The following SLX4IP variants were observed in gnomAD, a reference collection of about 807,000 sequenced individuals.
The protein encoded by SLX4IP is SLX4 interacting protein, also known as protein SLX4IP.
Under a neutral mutation model 32.9 loss-of-function variants are expected in SLX4IP, and 34 were observed. That is an observed-to-expected ratio of 1.03 (90% CI 0.79 to 1.38). The LOEUF (loss-of-function observed/expected upper bound fraction) is 1.38, where lower values mean the gene tolerates loss of function less well. SLX4IP is among the 40% of genes most tolerant of loss of function. The pLI, the probability that SLX4IP is intolerant of heterozygous loss-of-function variation, is 0.00. For synonymous variants in SLX4IP, 172 were observed against 171.7 expected, an observed-to-expected ratio of 1.00 and a Z score of -0.01; for missense variants, 444 against 479.0, an observed-to-expected ratio of 0.93 and a Z score of 0.68.
At chr20:10,536,925 G>T (rs1671651600) in intron 2 of SLX4IP, among the ~76,000 whole-genome samples, 1 of 152,170 alleles carries the variant, frequency 6.6e-6, no homozygotes, top group Non-Finnish European at 1.5e-5. Flanking sequence ...ATTTCTTTCA[G>T]CCTTTTCTCT....
chr20:10,476,036 C>A (rs2065473190), intron 2 of SLX4IP, among the ~76,000 whole-genome samples: 1 of 152,108 alleles, frequency 6.6e-6, no homozygotes, highest in South Asian at 2.1e-4. Flanking sequence ...TCTCTTGGTT[C>A]CTGGGGATGA....
At chr20:10,541,226 G>A (rs1191504532) in intron 2 of SLX4IP, among the ~76,000 whole-genome samples, 1 of 152,126 alleles carries the variant, frequency 6.6e-6, no homozygotes, top group Admixed American at 6.6e-5. Context: ...TATTGGATCA[G>A]CACCTTCTTT....
chr20:10,453,725 C>T (rs1007517276), intron 1 of SLX4IP, among the ~76,000 whole-genome samples: 1 of 138,570 alleles, frequency 7.2e-6, no homozygotes, highest in Non-Finnish European at 1.6e-5. Context: ...CCTACTACCC[C>T]CCAACGCACT....
rs979588423 is a variant in SLX4IP at position 10,435,374 on chromosome 20, A to G, written c.-109A>G. On this transcript the variant is annotated 5_prime_UTR_variant, in exon 1 of 8. Transcript: ENST00000334534. Reference sequence around the variant, plus strand: ...CTACCTGTGTAGTCCGAGTTTCCACAGCCAGGTACTACTCCGCCAGTGACC... The same window carrying G: ...CTACCTGTGTAGTCCGAGTTTCCACGGCCAGGTACTACTCCGCCAGTGACC... 2.0e-5 allele frequency: 3 copies of G among 152,200 alleles called. No individual in the cohort carries two copies. Among genetic ancestry groups the G allele is most frequent in the Non-Finnish European group, 2.9e-5 (2 of 68,046 alleles). The allele number at this position is 152,200 out of a possible 1,614,324, so 9.4% of individuals were successfully genotyped here.
At chr20:10,474,385 G>A (rs1225354893) in intron 2 of SLX4IP, among the ~76,000 whole-genome samples, 1 of 152,210 alleles carries the variant, frequency 6.6e-6, no homozygotes, top group Non-Finnish European at 1.5e-5. Context: ...ACACAGCTAT[G>A]CAGATATATT....
intron 2 of SLX4IP, among the ~76,000 whole-genome samples, chr20:10,470,247 G>GA (rs1303943219): frequency 6.6e-6 from 1 of 152,152 alleles, no homozygotes; most frequent in Non-Finnish European, 1.5e-5. Flanking sequence ...TAGTTTGGGG[G>GA]ATGCTTGGTT....
At chr20:10,487,827 A>G (rs2122391277) in intron 2 of SLX4IP, among the ~76,000 whole-genome samples, 1 of 152,358 alleles carries the variant, frequency 6.6e-6, no homozygotes, top group East Asian at 1.9e-4. Context: ...GAGGGCAGGC[A>G]TATTGCAGAA....
chr20:10,604,761 G>A (rs1401081629), intron 6 of SLX4IP, among the ~76,000 whole-genome samples: 1 of 152,214 alleles, frequency 6.6e-6, no homozygotes, highest in Admixed American at 6.5e-5. Flanking sequence ...CCATGTGCTA[G>A]GGATGTGGGA....
intron 2 of SLX4IP, among the ~76,000 whole-genome samples, chr20:10,467,514 C>T (rs945262277): frequency 4.6e-4 from 70 of 152,306 alleles, no homozygotes; most frequent in African/African-American, 1.7e-3. Context: ...TCCAATTCCT[C>T]CTTAATTTCA....
chr20:10,507,938 G>GAT (rs1476846842), intron 2 of SLX4IP, among the ~76,000 whole-genome samples: 4 of 150,702 alleles, frequency 2.7e-5, no homozygotes, highest in Admixed American at 1.3e-4. Flanking sequence ...GTATATTTGA[G>GAT]ATATATATAC....
At chr20:10,590,752 T>C (rs1427422212) in intron 4 of SLX4IP, among the ~76,000 whole-genome samples, 1 of 152,174 alleles carries the variant, frequency 6.6e-6, no homozygotes, top group Non-Finnish European at 1.5e-5. Flanking sequence ...CCTGGGTTTA[T>C]TTAGCTTAGA....
intron 2 of SLX4IP, among the ~76,000 whole-genome samples, chr20:10,492,243 C>T (rs2065629615): frequency 6.6e-6 from 1 of 152,124 alleles, no homozygotes; most frequent in Non-Finnish European, 1.5e-5. Flanking sequence ...GGGATGTGTC[C>T]TGGAGTGGGA....
At chr20:10,438,690 C>G (rs1269266773) in intron 1 of SLX4IP, among the ~76,000 whole-genome samples, 1 of 151,640 alleles carries the variant, frequency 6.6e-6, no homozygotes, top group African/African-American at 2.4e-5. Flanking sequence ...CCATGTTGAT[C>G]AGGCTACCTG....
chr20:10,591,405 A>G (rs1391631343), intron 4 of SLX4IP, among the ~76,000 whole-genome samples: 1 of 152,152 alleles, frequency 6.6e-6, no homozygotes, highest in Admixed American at 6.5e-5. Context: ...CTAGAATCTC[A>G]GAGTTGAAAT....
intron 4 of SLX4IP, among the ~76,000 whole-genome samples, chr20:10,565,971 A>C (rs1028674571): frequency 1.2e-4 from 19 of 152,226 alleles, no homozygotes; most frequent in African/African-American, 4.6e-4. Flanking sequence ...CAAACCTTAA[A>C]TAAAATAGTA....
At chr20:10,552,049 A>G (rs2066223217) in intron 2 of SLX4IP, among the ~76,000 whole-genome samples, 1 of 152,214 alleles carries the variant, frequency 6.6e-6, no homozygotes, top group South Asian at 2.1e-4. Context: ...AAGATGCGTG[A>G]CTGATTCTGG....
chr20:10,527,431 A>C (rs1191117587), intron 2 of SLX4IP, among the ~76,000 whole-genome samples: 1 of 152,220 alleles, frequency 6.6e-6, no homozygotes, highest in African/African-American at 2.4e-5. Flanking sequence ...TTTTGGATGC[A>C]AAGTGGCTTT....
chr20:10,562,544 T>A (rs561777957), intron 4 of SLX4IP, among the ~76,000 whole-genome samples: 71 of 152,008 alleles, frequency 4.7e-4, no homozygotes, highest in South Asian at 4.2e-3. Flanking sequence ...AGGCACAAGA[T>A]GGGGGGCGTG....
At chr20:10,578,282 T>A (rs2066545112) in intron 4 of SLX4IP, among the ~76,000 whole-genome samples, 1 of 152,216 alleles carries the variant, frequency 6.6e-6, no homozygotes, top group African/African-American at 2.4e-5. Flanking sequence ...TTACTTTCTG[T>A]CTCTATGGAT....
Sources: gnomAD v4.1 joint callset for allele counts (sites outside exome capture counted in the v4.1 genomes callset) on GRCh38, gnomAD v4.1.1 for gene constraint, MANE v1.5 for transcripts, NCBI Gene and HGNC (gene_info 2026-07-23, HGNC 2026-07-21) for gene names.